The following PBRM1 variants were observed in gnomAD, a reference collection of about 807,000 sequenced individuals.
PBRM1 encodes polybromo 1, also known as protein polybromo-1.
Under a neutral mutation model 194.5 loss-of-function variants are expected in PBRM1, and 27 were observed. That is an observed-to-expected ratio of 0.14 (90% CI 0.10 to 0.19). The LOEUF is 0.19. PBRM1 is among the 10% of genes least tolerant of loss of function. The pLI, the probability that PBRM1 is intolerant of heterozygous loss-of-function variation, is 1.00. For synonymous variants in PBRM1, 655 were observed against 693.2 expected, an observed-to-expected ratio of 0.94 and a Z score of 0.87; for missense variants, 1,466 against 2,077.2, an observed-to-expected ratio of 0.71 and a Z score of 5.72.
rs139518484 is a variant in PBRM1, at chr3:52,640,122, C to T, written c.1087+1832G>A. 1.8e-3 allele frequency among the ~76,000 whole-genome samples: 275 copies of T among 152,238 alleles called. 1 individual carries two copies. The highest frequency in any genetic ancestry group is 2.5e-3 in the Non-Finnish European group (171 of 68,022). ...TAACCTTCTACCATCATTAGGCAAT[C>T]CTTTTTATCTGTGTAATGATCTCTG... On this transcript the variant is annotated intron_variant, in intron 10 of 29. Coordinates refer to ENST00000296302, the Ensembl canonical transcript of PBRM1.
chr3:52,581,673 C>CT (rs2091246818), intron 20 of PBRM1, among the ~76,000 whole-genome samples: 1 of 150,934 alleles, frequency 6.6e-6, no homozygotes. Context: ...GAGTCTCCCT[C>CT]TGTCTCCAGG....
chr3:52,631,371 T>C (rs761453655), intron 11 of PBRM1, among the ~76,000 whole-genome samples: 73 of 152,186 alleles, frequency 4.8e-4, no homozygotes, highest in Non-Finnish European at 8.7e-4. Flanking sequence ...TGCAAAAGCA[T>C]GAAACATACT....
At chr3:52,567,980 G>C (rs1024421527) in intron 22 of PBRM1, among the ~76,000 whole-genome samples, 4 of 151,220 alleles carry the variant, frequency 2.6e-5, no homozygotes, top group African/African-American at 9.7e-5. Flanking sequence ...AGAATCACTG[G>C]TAGTTTCTTT....
intron 17 of PBRM1, among the ~76,000 whole-genome samples, chr3:52,594,350 T>A (rs1300398407): frequency 6.6e-6 from 1 of 152,220 alleles, no homozygotes; most frequent in African/African-American, 2.4e-5. Flanking sequence ...TCTTTTTTGG[T>A]CTTTGTTGGT....
At chr3:52,668,405 A>T in intron 3 of PBRM1, 93 bp downstream of exon 4, 1 of 827,508 alleles carries the variant, frequency 1.2e-6, no homozygotes, top group Non-Finnish European at 1.9e-6. Flanking sequence ...AAAAGAAACT[A>T]CTACTCACCT....
At chr3:52,675,491 A>G (rs547114394) in intron 2 of PBRM1, among the ~76,000 whole-genome samples, 1 of 152,354 alleles carries the variant, frequency 6.6e-6, no homozygotes, top group East Asian at 1.9e-4. Context: ...ATTCAGCAGG[A>G]TATTAAAAGG....
chr3:52,572,352 T>C (rs1288674960), intron 22 of PBRM1, among the ~76,000 whole-genome samples: 1 of 151,998 alleles, frequency 6.6e-6, no homozygotes, highest in Non-Finnish European at 1.5e-5. Context: ...GTCTGCCACA[T>C]GTGGCCATCT....
intron 1 of PBRM1, 149 bp downstream of exon 1, chr3:52,685,600 C>T (rs918018762): frequency 2.7e-5 from 4 of 149,874 alleles, no homozygotes; most frequent in African/African-American, 9.7e-5. Flanking sequence ...GCCGCCGCGC[C>T]CCGCCCAACC....
At chr3:52,586,947 G>A (rs1444707317) in intron 19 of PBRM1, among the ~76,000 whole-genome samples, 1 of 151,954 alleles carries the variant, frequency 6.6e-6, no homozygotes, top group Non-Finnish European at 1.5e-5. Flanking sequence ...ATTGCTCTTT[G>A]AAAACATATG....
intron 2 of PBRM1, among the ~76,000 whole-genome samples, chr3:52,674,637 A>ATATATATATAT (rs1479743746): frequency 7.7e-6 from 1 of 130,334 alleles, no homozygotes; most frequent in Non-Finnish European, 1.7e-5. Flanking sequence ...CAAAAAAAAA[A>ATATATATATAT]AAAAAAATAT....
At chr3:52,599,902 A>G (rs938302672) in intron 17 of PBRM1, among the ~76,000 whole-genome samples, 16 of 151,982 alleles carry the variant, frequency 1.1e-4, no homozygotes, top group African/African-American at 3.9e-4. Context: ...AAACATTAAC[A>G]TTTCATGGAT....
intron 20 of PBRM1, among the ~76,000 whole-genome samples, chr3:52,581,599 A>G (rs1445282725): frequency 6.6e-6 from 1 of 151,900 alleles, no homozygotes; most frequent in Non-Finnish European, 1.5e-5. Flanking sequence ...CATGAGATTA[A>G]TAATACCTTT....
chr3:52,611,640 T>C (rs1400832093), intron 15 of PBRM1, among the ~76,000 whole-genome samples: 2 of 151,580 alleles, frequency 1.3e-5, no homozygotes, highest in Non-Finnish European at 2.9e-5. Context: ...CTGTCTCTAC[T>C]AAAAATACAA....
At position 52,548,253 on chromosome 3, in the gene PBRM1, G is replaced by C. The variant is rs200335538; in HGVS notation, c.4898-18C>G. 4.7e-5 allele frequency: 73 copies of C among 1,542,060 alleles called. No homozygotes were observed. Among genetic ancestry groups the C allele is most frequent in the Non-Finnish European group, 5.8e-5 (67 of 1,149,992 alleles). ...TCTTCGAGCTGAAAATTAAAGTACA[G>C]AGAGACAGAAATTAGAATTTTAAGT... On this transcript the variant is annotated intron_variant, in intron 29 of 29. Coordinates refer to ENST00000296302, the Ensembl canonical transcript of PBRM1.
At chr3:52,639,177 T>C (rs868186283) in intron 10 of PBRM1, among the ~76,000 whole-genome samples, 2 of 152,100 alleles carry the variant, frequency 1.3e-5, no homozygotes, top group Admixed American at 6.6e-5. Flanking sequence ...AGTTTCTCCA[T>C]GTTGGCCAGG....
upstream of PBRM1, among the ~76,000 whole-genome samples, chr3:52,680,512 A>T (rs1218110168): frequency 6.6e-6 from 1 of 152,216 alleles, no homozygotes; most frequent in African/African-American, 2.4e-5. Flanking sequence ...TTTTAACTAT[A>T]ACTCTATTTA....
chr3:52,614,017 G>A (rs1576751608), intron 15 of PBRM1, among the ~76,000 whole-genome samples: 1 of 152,014 alleles, frequency 6.6e-6, no homozygotes, highest in Non-Finnish European at 1.5e-5. Flanking sequence ...AGGATTCATC[G>A]CTTAGCAGTA....
At chr3:52,635,433 G>A (rs1452043853) in intron 10 of PBRM1, among the ~76,000 whole-genome samples, 1 of 151,972 alleles carries the variant, frequency 6.6e-6, no homozygotes, top group African/African-American at 2.4e-5. Flanking sequence ...GGGCATGGTG[G>A]CATGCACCTG....
chr3:52,607,207 A>G (rs1195739653), intron 16 of PBRM1, among the ~76,000 whole-genome samples: 1 of 152,196 alleles, frequency 6.6e-6, no homozygotes, highest in East Asian at 1.9e-4. Context: ...CTTATTCTTA[A>G]TAAGTACTAT....
Sources: allele counts gnomAD v4.1 joint callset (sites outside exome capture counted in the v4.1 genomes callset), GRCh38; gene constraint gnomAD v4.1.1; transcripts MANE v1.5; gene names NCBI Gene and HGNC (gene_info 2026-07-23, HGNC 2026-07-21).